The following COL4A2 variants were observed in gnomAD, a reference collection of about 807,000 sequenced individuals.
The protein encoded by COL4A2 is collagen type IV alpha 2 chain, also known as collagen alpha-2(IV) chain.
A neutral mutation model predicts 200.2 loss-of-function variants in COL4A2; 99 were observed. That is an observed-to-expected ratio of 0.49 (90% confidence interval 0.42 to 0.58). The LOEUF (loss-of-function observed/expected upper bound fraction) is 0.58, where lower values mean the gene tolerates loss of function less well. COL4A2 is among the 20% of genes least tolerant of loss of function. The probability of loss-of-function intolerance (pLI) is 0.00; values close to 1 mark genes in which losing one functional copy is unlikely to be tolerated. For missense variants in COL4A2, 1,950 were observed against 2,314.1 expected (o/e 0.84, Z 3.23); for synonymous variants, 897 against 900.6 (o/e 1.00, Z 0.07).
chr13:110,505,462 TG>T (rs2139556592), intron 45 of COL4A2, among the ~76,000 whole-genome samples: 1 of 152,152 alleles, frequency 6.6e-6, no homozygotes, highest in East Asian at 1.9e-4. Flanking sequence ...ATGGGTAGTG[TG>T]GGGTGCACCT....
intron 4 of COL4A2, among the ~76,000 whole-genome samples, chr13:110,369,464 C>T (rs534933915): frequency 3.3e-5 from 5 of 152,102 alleles, no homozygotes; most frequent in Non-Finnish European, 7.4e-5. Context: ...CACTTCTGGT[C>T]CCAAGCATGT....
Position 110,436,381 on chromosome 13 carries a change from T to C in COL4A2, c.825+14T>C, listed in dbSNP as rs528557199. 46 of 1,607,054 alleles carry C rather than the reference T, an allele frequency of 2.9e-5. No individual in the cohort carries two copies. The highest frequency in any genetic ancestry group is 8.0e-5 in the African/African-American group (6 of 74,628). On this transcript the variant is annotated intron_variant, in intron 13 of 47. Transcript: ENST00000360467. ...GATCAGTACAAGGTAAAGAGCAAAA[T>C]TGACTCTTTTCATAGTTGAAATAAA...
intron 3 of COL4A2, 149 bp downstream of exon 3, chr13:110,308,272 G>C: frequency 2.3e-6 from 2 of 852,580 alleles, no homozygotes; most frequent in South Asian, 3.2e-5. Context: ...TTCTGAGAAA[G>C]CTTGCTCTTC....
Position 110,492,138 on chromosome 13 carries a change from A to C in COL4A2, c.3523A>C (p.Lys1175Gln). Reference protein sequence around the residue: ...ELGRIGLPGGKGDDGWPGAPG... With the variant: ...ELGRIGLPGGQGDDGWPGAPG... ...GGGGCGGATTGGACTGCCTGGTGGCAAAGGAGATGATGGCTGGCCGGGAGC... is the reference window on the plus strand; with the variant it reads ...GGGGCGGATTGGACTGCCTGGTGGCCAAGGAGATGATGGCTGGCCGGGAGC... The change falls in exon 38 of 48, where the codon AAA becomes CAA. Residue 1175 changes from lysine (K) to glutamine (Q), a missense_variant. Physicochemically the swap from Lys to Gln is moderately conservative, Grantham distance 53. Around this residue, in one of 2 missense-constraint regions of COL4A2, gnomAD observed 1,385 missense variants for 1,720.5 expected, o/e 0.80. Transcript: ENST00000360467. 6.4e-7 allele frequency: 1 copy of C among 1,553,548 alleles called. No homozygotes were observed. Among genetic ancestry groups the C allele is most frequent in the South Asian group, 1.2e-5 (1 of 84,164 alleles).
intron 15 of COL4A2, 105 bp from the exon 16 acceptor site, chr13:110,439,684 C>G: frequency 6.4e-7 from 1 of 1,569,428 alleles, no homozygotes; most frequent in Non-Finnish European, 8.7e-7. Context: ...TTCAATCTGT[C>G]CATCGGCATT....
intron 32 of COL4A2, among the ~76,000 whole-genome samples, chr13:110,483,449 C>T (rs896196594): frequency 2.0e-5 from 3 of 152,240 alleles, no homozygotes; most frequent in Non-Finnish European, 4.4e-5. Flanking sequence ...GGACACAAAT[C>T]TCATGGCAGC....
At chr13:110,332,930 G>T (rs567820902) in intron 3 of COL4A2, among the ~76,000 whole-genome samples, 1 of 152,224 alleles carries the variant, frequency 6.6e-6, no homozygotes. Flanking sequence ...AATTCCCATG[G>T]TAGCTATGTA....
At chr13:110,472,865 A>C in intron 28 of COL4A2, 64 bp from the exon 29 acceptor site, 10 of 1,481,242 alleles carry the variant, frequency 6.8e-6, no homozygotes, top group Non-Finnish European at 9.2e-6. Flanking sequence ...CCTCTTTTTG[A>C]CTCTTCTCTT....
At chr13:110,355,385 G>GA (rs765771097) in intron 3 of COL4A2, among the ~76,000 whole-genome samples, 1 of 82,104 alleles carries the variant, frequency 1.2e-5, no homozygotes, top group Admixed American at 1.1e-4. Flanking sequence ...TCACCTGTGT[G>GA]GGGGGAGGGC....
intron 20 of COL4A2, among the ~76,000 whole-genome samples, chr13:110,451,274 G>A (rs923182348): frequency 1.3e-5 from 2 of 152,208 alleles, no homozygotes; most frequent in Non-Finnish European, 2.9e-5. Flanking sequence ...GACCAAGCTT[G>A]TCCAACCCAC....
At chr13:110,314,619 G>A (rs1885084395) in intron 3 of COL4A2, among the ~76,000 whole-genome samples, 2 of 152,196 alleles carry the variant, frequency 1.3e-5, no homozygotes, top group Admixed American at 1.3e-4. Context: ...TCTTCGCTGG[G>A]GAGGGAAGTG....
At chr13:110,345,407 G>A (rs924390912) in intron 3 of COL4A2, among the ~76,000 whole-genome samples, 1 of 152,160 alleles carries the variant, frequency 6.6e-6, no homozygotes, top group Non-Finnish European at 1.5e-5. Context: ...CCCAGTCGGC[G>A]GGTCTCAGGA....
chr13:110,470,547 A>G (rs1882429101), intron 28 of COL4A2, among the ~76,000 whole-genome samples: 1 of 152,088 alleles, frequency 6.6e-6, no homozygotes, highest in Non-Finnish European at 1.5e-5. Flanking sequence ...GGGAACACAT[A>G]CTTTCTTTTA....
At position 110,485,835 on chromosome 13, in the gene COL4A2, G is replaced by A. The variant is rs200275883; in HGVS notation, c.3206G>A (p.Arg1069Gln). 5.6e-5 allele frequency: 90 copies of A among 1,613,208 alleles called. No homozygotes were observed. Among genetic ancestry groups the A allele is most frequent in the South Asian group, 1.2e-4 (11 of 91,070 alleles). Reference sequence around the variant, plus strand: ...GGATTCCCAGGATTCATAGGAAGCCGGGTGAGTGGGCGTCTTTTACTCCCC... The same window carrying A: ...GGATTCCCAGGATTCATAGGAAGCCAGGTGAGTGGGCGTCTTTTACTCCCC... ...ITGFPGFIGS[R>Q]GDKGAPGRAG... is the part of the protein sequence containing the mutation. Residue 1069 changes from arginine to glutamine, a missense_variant and splice_region_variant, in exon 34 of 48, where the codon CGG (arginine) becomes CAG (glutamine). Transcript: ENST00000360467.
In COL4A2 at chr13:110,452,307, C is replaced by T. The variant is rs191988098; in HGVS notation, c.1339+1853C>T. Among the ~76,000 whole-genome samples the T allele has an allele frequency of 4.4e-3, 664 of 150,952 alleles. 6 individuals carry two copies. Among genetic ancestry groups the T allele is most frequent in the African/African-American group, 0.015 (622 of 41,458 alleles). On this transcript the variant is annotated intron_variant, in intron 20 of 47. Coordinates refer to ENST00000360467, the MANE Select transcript of COL4A2 (RefSeq NM_001846.4). ...GCCACCGCGCAGCTGGGACCACAGG[C>T]GCCCGCCCTCACGCCCGGCTAATTT...
intron 4 of COL4A2, among the ~76,000 whole-genome samples, chr13:110,387,313 T>A (rs1178528219): frequency 6.6e-6 from 1 of 152,200 alleles, no homozygotes; most frequent in Non-Finnish European, 1.5e-5. Flanking sequence ...AATCACTATT[T>A]CCAAAGGCTG....
At position 110,450,526 on chromosome 13, in the gene COL4A2, T is replaced by C. The variant is rs919531856; in HGVS notation, c.1339+72T>C. ...GAAGCCCGGTCCCAGCCGGATGTTA[T>C]TTGGGATTCTCTGCTAAATGACTCT... On this transcript the variant is annotated intron_variant, in intron 20 of 47. Coordinates refer to ENST00000360467, the MANE Select transcript of COL4A2 (RefSeq NM_001846.4). The C allele has an allele frequency of 2.6e-6, 4 of 1,558,470 alleles. No homozygotes were observed. In the African/African-American group the frequency reaches 5.4e-5, roughly 21 times the overall value.
intron 3 of COL4A2, among the ~76,000 whole-genome samples, chr13:110,326,873 C>G (rs1416949133): frequency 6.6e-6 from 1 of 152,246 alleles, no homozygotes; most frequent in Non-Finnish European, 1.5e-5. Context: ...CACACAGTCT[C>G]AGATGGCAGT....
intron 16 of COL4A2, among the ~76,000 whole-genome samples, chr13:110,444,843 TAGTGTTATA>T: frequency 6.6e-6 from 1 of 152,288 alleles, no homozygotes; most frequent in South Asian, 2.1e-4. Context: ...AAACAAAACT[TAGTGTTATA>T]GTTGTTTTCT....
Sources: gnomAD v4.1 joint callset for allele counts (sites outside exome capture counted in the v4.1 genomes callset) on GRCh38, gnomAD v4.1.1 for gene constraint, gnomAD v4.1.1 regional missense constraint, MANE v1.5 for transcripts, NCBI Gene and HGNC (gene_info 2026-07-23, HGNC 2026-07-21) for gene names.